Variants in ZYG11A observed in about 807,000 individuals in gnomAD.
ZYG11A encodes protein zyg-11 homolog A.
Under a neutral mutation model 77.2 loss-of-function variants are expected in ZYG11A, and 62 were observed. The ratio of observed to expected loss-of-function variants is 0.80; its 90% CI spans 0.65 to 0.99. The LOEUF (loss-of-function observed/expected upper bound fraction) is 0.99. Ranked by LOEUF, ZYG11A falls within the 50% of genes least tolerant of loss-of-function variation. The pLI, the probability that ZYG11A is intolerant of heterozygous loss-of-function variation, is 0.00. For missense variants in ZYG11A, 828 were observed against 896.8 expected (o/e 0.92, Z 0.98); for synonymous variants, 315 against 324.6 (o/e 0.97, Z 0.32).
At chr1:52,878,118 A>G (rs1646295208) in intron 10 of ZYG11A, 149 bp downstream of exon 10, 5 of 686,686 alleles carry the variant, frequency 7.3e-6, no homozygotes, top group African/African-American at 1.8e-5. Context: ...AGTAAATACT[A>G]TTGTATATCA....
chr1:52,873,614 A>G (rs944378987), intron 8 of ZYG11A, among the ~76,000 whole-genome samples: 3 of 152,220 alleles, frequency 2.0e-5, no homozygotes, highest in Admixed American at 2.0e-4. Flanking sequence ...TGGAATGACA[A>G]CAAAGGACTT....
chr1:52,847,867 TATTTA>T (rs1558157016), intron 1 of ZYG11A, among the ~76,000 whole-genome samples: 5 of 85,684 alleles, frequency 5.8e-5, no homozygotes, highest in African/African-American at 1.8e-4. Flanking sequence ...TTTATTTATT[TATTTA>T]TTTATTTATT....
Position 52,854,455 on chromosome 1 carries a change from T to C in ZYG11A, c.91-10T>C. 6.6e-7 allele frequency: 1 copy of C among 1,523,956 alleles called. No homozygotes were observed. The highest frequency in any genetic ancestry group is 1.4e-5 in the African/African-American group (1 of 72,640). The allele number at this position is 1,523,956 out of a possible 1,614,324, so 94.4% of individuals were successfully genotyped here. A position where few individuals can be genotyped will look rare whatever the true frequency, so the allele number is the denominator to read the frequency against. ...TTCTAACAAAGTTTGTTTGGGGTTT[T>C]GTTTGCTAGGAAGAGGCATCTCCCT... On this transcript the variant is annotated splice_polypyrimidine_tract_variant and intron_variant, in intron 1 of 13. Transcript: ENST00000371528.
At chr1:52,849,367 C>T (rs888322810) in intron 1 of ZYG11A, among the ~76,000 whole-genome samples, 1 of 151,424 alleles carries the variant, frequency 6.6e-6, no homozygotes, top group African/African-American at 2.4e-5. Flanking sequence ...CGCGCCCAGC[C>T]TCTTTACTTT....
intron 13 of ZYG11A, among the ~76,000 whole-genome samples, chr1:52,891,519 T>C (rs1646543382): frequency 1.3e-5 from 2 of 151,904 alleles, no homozygotes; most frequent in African/African-American, 4.9e-5. Flanking sequence ...TTTTTTTATA[T>C]TAATTTCTCA....
intron 13 of ZYG11A, 82 bp from the exon 14 acceptor site, chr1:52,892,700 C>A: frequency 1.6e-6 from 2 of 1,227,656 alleles, no homozygotes; most frequent in East Asian, 5.1e-5. Context: ...TGTATTGTTT[C>A]TTCAGCAAGG....
At chr1:52,869,565 G>C (rs993790988) in intron 8 of ZYG11A, among the ~76,000 whole-genome samples, 1 of 151,806 alleles carries the variant, frequency 6.6e-6, no homozygotes, top group Non-Finnish European at 1.5e-5. Context: ...TTGGGGGTAA[G>C]GTCATAGATC....
Position 52,881,855 on chromosome 1 carries a change from C to CT in ZYG11A, c.1944+193dup. The CT allele has an allele frequency of 8.8e-6, 4 of 456,720 alleles. No homozygotes were observed. The South Asian group carries it at 1.8e-4, about 20-fold the overall frequency. 28.3% of individuals were successfully genotyped at this position (456,720 alleles called of 1,614,324 possible). A position where few individuals can be genotyped will look rare whatever the true frequency, so the allele number is the denominator to read the frequency against. ...GTTGCATATGACTTACTTCGGTCCT[C>CT]TTTCTCATCAGCTTTTTTTTTTTAA... On this transcript the variant is annotated intron_variant, in intron 11 of 13. Transcript: ENST00000371528.
intron 1 of ZYG11A, among the ~76,000 whole-genome samples, chr1:52,846,790 A>AG (rs1645593791): frequency 6.6e-6 from 1 of 152,092 alleles, no homozygotes; most frequent in Admixed American, 6.6e-5. Flanking sequence ...TTAAGAGTGT[A>AG]GAGTGGTACT....
At chr1:52,874,166 A>G (rs1646220640) in intron 8 of ZYG11A, among the ~76,000 whole-genome samples, 1 of 152,152 alleles carries the variant, frequency 6.6e-6, no homozygotes, top group South Asian at 2.1e-4. Context: ...CATTGAGACA[A>G]GACCCTCCAC....
chr1:52,884,174 C>T (rs1646407640), intron 11 of ZYG11A, among the ~76,000 whole-genome samples: 1 of 151,790 alleles, frequency 6.6e-6, no homozygotes, highest in South Asian at 2.1e-4. Context: ...GGCACTGCAC[C>T]CGGCCAATAA....
intron 10 of ZYG11A, 101 bp downstream of exon 10, chr1:52,878,070 A>G (rs1218550730): frequency 2.1e-6 from 2 of 947,484 alleles, no homozygotes; most frequent in African/African-American, 1.7e-5. Flanking sequence ...AGCAATTTAC[A>G]TGTATAAACT....
rs542511261 is a variant in ZYG11A, at chr1:52,853,533, T to G, written c.91-932T>G. ...TTGTATTCTTCACTAAACTTTAGCT[T>G]TAAAGGGACTAGAACCATGTCTTAC... On this transcript the variant is annotated intron_variant, in intron 1 of 13. Transcript: ENST00000371528. Among the ~76,000 whole-genome samples, 44 of 152,288 alleles carry G rather than the reference T, an allele frequency of 2.9e-4. No individual in the cohort carries two copies. The Middle Eastern group carries it at 0.01, about 35-fold the overall frequency.
chr1:52,874,041 A>T (rs1239344877), intron 8 of ZYG11A, among the ~76,000 whole-genome samples: 1 of 152,106 alleles, frequency 6.6e-6, no homozygotes, highest in Non-Finnish European at 1.5e-5. Context: ...CTTGAAAGGA[A>T]GGGTCAATTG....
At chr1:52,864,196 G>A in intron 5 of ZYG11A, 39 bp downstream of exon 5, 1 of 1,534,686 alleles carries the variant, frequency 6.5e-7, no homozygotes, top group Non-Finnish European at 8.8e-7. Context: ...TTTTTTTGTT[G>A]TTGTTAATAG....
intron 1 of ZYG11A, among the ~76,000 whole-genome samples, chr1:52,854,214 CAG>C (rs1472509982): frequency 6.6e-6 from 1 of 152,130 alleles, no homozygotes; most frequent in East Asian, 1.9e-4. Flanking sequence ...GGATACTGGT[CAG>C]AGAGTTCTGG....
rs756069250 is a variant in ZYG11A at position 52,842,871 on chromosome 1, C to A, written c.-13C>A. 81 of 1,528,916 alleles carry A rather than the reference C, an allele frequency of 5.3e-5. No individual in the cohort carries two copies. Among genetic ancestry groups the A allele is most frequent in the Non-Finnish European group, 6.8e-5 (77 of 1,137,610 alleles). 94.7% of individuals were successfully genotyped at this position (1,528,916 alleles called of 1,614,324 possible). A position where few individuals can be genotyped will look rare whatever the true frequency, so the allele number is the denominator to read the frequency against. On this transcript the variant is annotated 5_prime_UTR_variant, in exon 1 of 14. Coordinates refer to ENST00000371528, the MANE Select transcript of ZYG11A (RefSeq NM_001004339.3). ...GCCGGCTCTCTTTTTGACGCCCCGCCGCCGGGGTTGCCATGGTTCATTTCT... is the reference window on the plus strand; with the variant it reads ...GCCGGCTCTCTTTTTGACGCCCCGCAGCCGGGGTTGCCATGGTTCATTTCT...
At chr1:52,853,646 C>G (rs1470196442) in intron 1 of ZYG11A, among the ~76,000 whole-genome samples, 1 of 152,146 alleles carries the variant, frequency 6.6e-6, no homozygotes, top group Non-Finnish European at 1.5e-5. Context: ...TGTGGTGGCT[C>G]ATGCCTGTAA....
chr1:52,884,268 G>A (rs28681394), intron 11 of ZYG11A, among the ~76,000 whole-genome samples: 45 of 151,988 alleles, frequency 3.0e-4, no homozygotes, highest in African/African-American at 5.3e-4. Flanking sequence ...AGGCCGAGGC[G>A]GGCAGATCAT....
Sources: gnomAD v4.1 joint callset for allele counts (sites outside exome capture counted in the v4.1 genomes callset) on GRCh38, gnomAD v4.1.1 for gene constraint, MANE v1.5 for transcripts, NCBI Gene and HGNC (gene_info 2026-07-23, HGNC 2026-07-21) for gene names.